FANCM: variants seen among roughly 807,000 people sequenced by gnomAD.
FANCM encodes the protein Fanconi anemia group M protein.
In FANCM, 140 loss-of-function variants were observed where a neutral mutation model predicts 199.5. The observed-to-expected ratio is 0.70, with a 90% CI of 0.61 to 0.81. The LOEUF is 0.81. Ranked by LOEUF, FANCM falls within the 30% of genes least tolerant of loss-of-function variation. FANCM has a pLI of 0.00. For synonymous variants in FANCM, 840 were observed against 836.8 expected (o/e 1.00, Z -0.07); for missense variants, 2,410 against 2,421.4 (o/e 1.00, Z 0.10).
chr14:45,137,290 G>A (rs1885589965), intron 2 of FANCM, 49 bp downstream of exon 2: 6 of 1,535,448 alleles, frequency 3.9e-6, no homozygotes, highest in Non-Finnish European at 5.4e-6. Context: ...TACTGTTAAA[G>A]AGAATTTTGG....
chr14:45,180,766 T>G (rs1388158793), intron 14 of FANCM: 2 of 152,388 alleles, frequency 1.3e-5, no homozygotes, highest in Non-Finnish European at 2.9e-5. Context: ...GCATCTGACT[T>G]CTCCCAGTGC....
At position 45,166,893 on chromosome 14, in the gene FANCM, G is replaced by T. The variant is rs1244223699; in HGVS notation, c.1789-57G>T. 7.1e-6 allele frequency: 7 copies of T among 988,368 alleles called. No homozygotes were observed. In the African/African-American group the frequency reaches 1.1e-4, roughly 16 times the overall value. The allele number at this position is 988,368 out of a possible 1,614,324, so 61.2% of individuals were successfully genotyped here. On this transcript the variant is annotated intron_variant, in intron 10 of 22. Transcript: ENST00000267430. ...TCCAAACTAATAATTGCTTGTTATG[G>T]ATAAATTGTTATTTATAAAAGTAAT... is the stretch of plus-strand genomic sequence containing the variant.
In FANCM at chr14:45,176,584, A is replaced by G. The variant is rs1594799862; in HGVS notation, c.3830A>G (p.Asn1277Ser). The G allele has an allele frequency of 6.2e-7, 1 of 1,605,566 alleles. No individual in the cohort carries two copies. Among genetic ancestry groups the G allele is most frequent in the Non-Finnish European group, 8.5e-7 (1 of 1,175,750 alleles). The change falls in exon 14 of 23, where the codon AAT becomes AGT. Residue 1277 changes from asparagine (N) to serine (S), a missense_variant. Asn to Ser is a conservative substitution (Grantham distance 46, BLOSUM62 1). Transcript: ENST00000267430. ...ATAAGTGATGCAAATTATGTTTCGA[A>G]TCAAGCACTAATACCAAGAGATCAT... is the stretch of plus-strand genomic sequence containing the variant. ...KEISDANYVSNQALIPRDHSK... is the reference protein window; with the variant it reads ...KEISDANYVSSQALIPRDHSK...
chr14:45,196,635 A>G, intron 21 of FANCM, 88 bp downstream of exon 21: 1 of 1,302,664 alleles, frequency 7.7e-7, no homozygotes, highest in Non-Finnish European at 1.1e-6. Flanking sequence ...AGGATGTGGG[A>G]AACTCTTAAA....
At chr14:45,178,376 G>A (rs751929030) in intron 14 of FANCM, among the ~76,000 whole-genome samples, 18 of 152,132 alleles carry the variant, frequency 1.2e-4, no homozygotes, top group Admixed American at 2.0e-4. Context: ...CTGGTTTTGC[G>A]TCAGATTTGC....
intron 13 of FANCM, 92 bp from the exon 14 acceptor site, chr14:45,174,979 A>G (rs979328813): frequency 1.4e-5 from 10 of 695,334 alleles, no homozygotes; most frequent in Admixed American, 2.6e-5. Flanking sequence ...AATAATATAA[A>G]TATTTTAATA....
At chr14:45,171,897 A>G (rs938698348) in intron 12 of FANCM, among the ~76,000 whole-genome samples, 1 of 152,136 alleles carries the variant, frequency 6.6e-6, no homozygotes, top group Non-Finnish European at 1.5e-5. Flanking sequence ...GCTGGATCAA[A>G]TGGTAGTTCT....
intron 21 of FANCM, among the ~76,000 whole-genome samples, chr14:45,197,944 T>C (rs1890158405): frequency 6.6e-6 from 1 of 151,906 alleles, no homozygotes; most frequent in African/African-American, 2.4e-5. Context: ...TTTTTTTATA[T>C]TTTTTGTAGA....
intron 13 of FANCM, among the ~76,000 whole-genome samples, chr14:45,173,427 A>G (rs1424894815): frequency 6.6e-6 from 1 of 152,214 alleles, no homozygotes; most frequent in African/African-American, 2.4e-5. Context: ...ACCAGAGTAG[A>G]ATTTTAATAT....
At chr14:45,192,266 T>C (rs1889809855) in intron 20 of FANCM, among the ~76,000 whole-genome samples, 1 of 152,214 alleles carries the variant, frequency 6.6e-6, no homozygotes, top group Non-Finnish European at 1.5e-5. Flanking sequence ...ACAGTTAGGC[T>C]GATATTTAAG....
chr14:45,140,452 G>C (rs975934599), intron 2 of FANCM, among the ~76,000 whole-genome samples, 180 bp from the exon 3 acceptor site: 3 of 152,188 alleles, frequency 2.0e-5, no homozygotes, highest in African/African-American at 7.2e-5. Context: ...GATCAGCATA[G>C]AGAATAAACC....
chr14:45,171,870 TA>T (rs1320817644), intron 12 of FANCM, among the ~76,000 whole-genome samples: 1 of 152,170 alleles, frequency 6.6e-6, no homozygotes, highest in East Asian at 1.9e-4. Context: ...CTGGATTAGA[TA>T]CCCAGTAGTG....
At chr14:45,197,428 TA>T (rs1354598281) in intron 21 of FANCM, among the ~76,000 whole-genome samples, 3 of 152,102 alleles carry the variant, frequency 2.0e-5, no homozygotes, top group Non-Finnish European at 2.9e-5. Context: ...CGTGTGGCCT[TA>T]GATAAGTCAT....
chr14:45,152,275 C>T (rs1886881465), intron 5 of FANCM, among the ~76,000 whole-genome samples: 3 of 152,076 alleles, frequency 2.0e-5, no homozygotes, highest in Non-Finnish European at 4.4e-5. Flanking sequence ...GGTGATCTGC[C>T]TGTCTCGGCC....
chr14:45,153,460 AC>A (rs1886961915), intron 5 of FANCM, among the ~76,000 whole-genome samples: 1 of 152,196 alleles, frequency 6.6e-6, no homozygotes, highest in African/African-American at 2.4e-5. Flanking sequence ...AAATATTTGT[AC>A]TTTTGCCAGT....
chr14:45,135,946 A>G lies in FANCM; in HGVS notation c.-86A>G. ...CTTCTCGTTCCAGAGTTTTGTGCGA[A>G]GGAAACCGATGGGGATCGGAACCGT... On this transcript the variant is annotated 5_prime_UTR_variant, in exon 1 of 23. Transcript: ENST00000267430. 1.4e-6 allele frequency: 2 copies of G among 1,462,084 alleles called. No individual in the cohort carries two copies. Among genetic ancestry groups the G allele is most frequent in the Non-Finnish European group, 1.9e-6 (2 of 1,047,798 alleles). 90.6% of individuals were successfully genotyped at this position (1,462,084 alleles called of 1,614,324 possible).
rs1202969364 is a variant in FANCM, at chr14:45,175,333, A to G, written c.2579A>G (p.Glu860Gly). 6.4e-7 allele frequency: 1 copy of G among 1,560,926 alleles called. No individual in the cohort carries two copies. Among genetic ancestry groups the G allele is most frequent in the Non-Finnish European group, 8.7e-7 (1 of 1,153,460 alleles). ...IVSLKKKVSK[E>G]IKKDQLKKEN... Reference sequence around the variant, plus strand: ...TCTTTAAAGAAAAAAGTGTCTAAAGAAATAAAAAAAGATCAGCTTAAAAAA... The same window carrying G: ...TCTTTAAAGAAAAAAGTGTCTAAAGGAATAAAAAAAGATCAGCTTAAAAAA... Residue 860 changes from glutamate (E) to glycine (G), a missense_variant, in exon 14 of 23, where the codon GAA becomes GGA. Glu to Gly is a moderately conservative substitution (Grantham distance 98). Transcript: ENST00000267430.
At chr14:45,158,025 C>T (rs1024666462) in intron 8 of FANCM, among the ~76,000 whole-genome samples, 14 of 151,948 alleles carry the variant, frequency 9.2e-5, no homozygotes, top group African/African-American at 2.7e-4. Flanking sequence ...GGCAAAACCC[C>T]GTCTCTACAA....
At position 45,175,631 on chromosome 14, in the gene FANCM, A is replaced by G. The variant is rs2139244524; in HGVS notation, c.2877A>G (p.Leu959=). Reference sequence around the variant, plus strand: ...ATGAAAAATCTGTTTCATCTAACTTATTTCTTCCATTCGAAGAAGAGCTTT... The same window carrying G: ...ATGAAAAATCTGTTTCATCTAACTTGTTTCTTCCATTCGAAGAAGAGCTTT... ...FNDEKSVSSN[L]FLPFEEELYI... The change falls in exon 14 of 23, where the codon TTA becomes TTG. Residue 959 remains leucine, a synonymous_variant. Coordinates refer to ENST00000267430, the MANE Select transcript of FANCM (RefSeq NM_020937.4). 9 of 1,613,246 alleles carry G rather than the reference A, an allele frequency of 5.6e-6. No homozygotes were observed. Among genetic ancestry groups the G allele is most frequent in the South Asian group, 3.3e-5 (3 of 91,050 alleles).
Sources: gnomAD v4.1 joint callset for allele counts (sites outside exome capture counted in the v4.1 genomes callset) on GRCh38, gnomAD v4.1.1 for gene constraint, MANE v1.5 for transcripts, NCBI Gene and HGNC (gene_info 2026-07-23, HGNC 2026-07-21) for gene names.